Variants in ZNF385D observed in about 807,000 individuals in gnomAD.
ZNF385D encodes zinc finger protein 385D, also known as zinc finger protein 659.
In ZNF385D, 15 loss-of-function variants were observed where a neutral mutation model predicts 35.8. The observed-to-expected ratio is 0.42, with a 90% CI of 0.28 to 0.64. The LOEUF is 0.64. ZNF385D is among the 30% of genes least tolerant of loss of function. ZNF385D has a pLI of 0.23. For missense variants in ZNF385D, 474 were observed against 494.6 expected (o/e 0.96, Z 0.39); for synonymous variants, 212 against 186.8 (o/e 1.13, Z -1.10).
intron 3 of ZNF385D, among the ~76,000 whole-genome samples, chr3:22,164,392 C>T (rs1208210370): frequency 6.6e-6 from 1 of 151,640 alleles, no homozygotes; most frequent in Non-Finnish European, 1.5e-5. Context: ...CCACGTCTAG[C>T]TAATTTTTGT....
chr3:21,917,884 G>C (rs767840427), intron 3 of ZNF385D, among the ~76,000 whole-genome samples: 1 of 152,152 alleles, frequency 6.6e-6, no homozygotes, highest in Non-Finnish European at 1.5e-5. Flanking sequence ...CAGTCATTAA[G>C]CAAAATATAT....
At chr3:22,132,628 T>C (rs1047818373) in intron 3 of ZNF385D, among the ~76,000 whole-genome samples, 1 of 152,054 alleles carries the variant, frequency 6.6e-6, no homozygotes, top group Non-Finnish European at 1.5e-5. Context: ...CTGAAAAAAA[T>C]TCCTCTAGAT....
chr3:21,834,996 T>C (rs1409047085), intron 3 of ZNF385D, among the ~76,000 whole-genome samples: 1 of 152,148 alleles, frequency 6.6e-6, no homozygotes, highest in Non-Finnish European at 1.5e-5. Flanking sequence ...TAGTTCTTTA[T>C]AACAGTGTGG....
At chr3:22,155,905 A>AATACACAT (rs1705552735) in intron 3 of ZNF385D, among the ~76,000 whole-genome samples, 1 of 152,120 alleles carries the variant, frequency 6.6e-6, no homozygotes, top group African/African-American at 2.4e-5. Flanking sequence ...AGGAAAGTTA[A>AATACACAT]GAGTATTCAA....
rs115933233 is a variant in ZNF385D, at chr3:22,099,826, A to C, written c.325+68991T>G. 6.6e-3 allele frequency among the ~76,000 whole-genome samples: 997 copies of C among 152,160 alleles called. 16 individuals carry two copies. Among genetic ancestry groups the C allele is most frequent in the African/African-American group, 0.023 (941 of 41,528 alleles). On this transcript the variant is annotated intron_variant, in intron 3 of 5. Coordinates refer to the ZNF385D transcript ENST00000494108. ...TTCACACTAGCAGGGAGTGGGGGCT[A>C]CTACTGTAAGAATGAACAGATTGGA...
At position 21,723,846 on chromosome 3, in the gene ZNF385D, G is replaced by T. The variant is rs144229653; in HGVS notation, c.22+27049C>A. ...GAAGAGCAACCCCAAGACACATAAT[G>T]GTCAGATTTACCATGGTGGAAATGA... On this transcript the variant is annotated intron_variant, in intron 1 of 7. Transcript: ENST00000281523. Among the ~76,000 whole-genome samples the T allele has an allele frequency of 1.2e-3, 176 of 152,088 alleles. 8 individuals carry two copies. The East Asian group carries it at 0.016, about 14-fold the overall frequency.
At chr3:21,497,842 C>T (rs1277979989) in intron 4 of ZNF385D, among the ~76,000 whole-genome samples, 1 of 152,050 alleles carries the variant, frequency 6.6e-6, no homozygotes, top group Non-Finnish European at 1.5e-5. Flanking sequence ...GAGTGAGACG[C>T]TGTCTCAAAA....
chr3:21,976,992 AAAT>A (rs74758944), intron 3 of ZNF385D, among the ~76,000 whole-genome samples: 1 of 151,804 alleles, frequency 6.6e-6, no homozygotes, highest in African/African-American at 2.4e-5. Context: ...CATCTCAGGA[AAAT>A]AATAATAATA....
chr3:22,239,251 T>C (rs903633982), intron 2 of ZNF385D, among the ~76,000 whole-genome samples: 10 of 151,096 alleles, frequency 6.6e-5, no homozygotes, highest in Non-Finnish European at 1.0e-4. Context: ...AATTGGAACA[T>C]AGCCACAATC....
intron 2 of ZNF385D, among the ~76,000 whole-genome samples, chr3:21,640,794 AG>A (rs932701514): frequency 6.6e-6 from 1 of 152,160 alleles, no homozygotes; most frequent in African/African-American, 2.4e-5. Flanking sequence ...TAATTTTTCT[AG>A]GCACTGAGAA....
intron 3 of ZNF385D, among the ~76,000 whole-genome samples, chr3:22,020,188 T>C (rs936690686): frequency 1.3e-5 from 2 of 151,846 alleles, no homozygotes; most frequent in Admixed American, 6.6e-5. Context: ...TGACAAGGAA[T>C]TCTTAAAGTG....
At chr3:21,876,955 T>C (rs1245583718) in intron 3 of ZNF385D, among the ~76,000 whole-genome samples, 1 of 152,108 alleles carries the variant, frequency 6.6e-6, no homozygotes, top group African/African-American at 2.4e-5. Flanking sequence ...TTCCACACTT[T>C]TCCCATTCCA....
chr3:21,571,256 G>C (rs556228319), intron 2 of ZNF385D, among the ~76,000 whole-genome samples: 1 of 151,950 alleles, frequency 6.6e-6, no homozygotes, highest in African/African-American at 2.4e-5. Flanking sequence ...TTTGTGTCTG[G>C]CTTCTTTCAT....
At chr3:22,162,294 C>A (rs1200738005) in intron 3 of ZNF385D, among the ~76,000 whole-genome samples, 1 of 152,124 alleles carries the variant, frequency 6.6e-6, no homozygotes, top group Non-Finnish European at 1.5e-5. Flanking sequence ...GGGCTACAGA[C>A]TACAGGAACA....
intron 3 of ZNF385D, among the ~76,000 whole-genome samples, chr3:21,939,555 G>A (rs1390214003): frequency 1.3e-5 from 2 of 152,058 alleles, no homozygotes; most frequent in African/African-American, 4.8e-5. Flanking sequence ...ATTCAATCAA[G>A]CCCTGTTGAG....
chr3:21,589,317 A>G (rs1305272506), intron 2 of ZNF385D, among the ~76,000 whole-genome samples: 1 of 152,222 alleles, frequency 6.6e-6, no homozygotes, highest in Non-Finnish European at 1.5e-5. Context: ...TGAGGAAGAT[A>G]TGTCATTGTC....
chr3:21,476,729 G>A (rs1219176234), intron 4 of ZNF385D, among the ~76,000 whole-genome samples: 1 of 151,968 alleles, frequency 6.6e-6, no homozygotes, highest in Non-Finnish European at 1.5e-5. Context: ...TTCTATTGAA[G>A]AAGATATTTC....
Position 21,412,901 on chromosome 3 carries a change from G to C in ZNF385D, c.*8313C>G, listed in dbSNP as rs1382758291. 6.6e-6 allele frequency: 1 copy of C among 151,970 alleles called. No individual in the cohort carries two copies. Among genetic ancestry groups the C allele is most frequent in the Non-Finnish European group, 1.5e-5 (1 of 67,970 alleles). The allele number at this position is 151,970 out of a possible 1,614,324, so 9.4% of individuals were successfully genotyped here. The stretch of plus-strand genomic sequence containing the variant: ...TCATTTTATAGTGGGGGAAATTATT[G>C]GCATATGGGGGATTTTATCACATAT... On this transcript the variant is annotated 3_prime_UTR_variant, in exon 8 of 8. Transcript: ENST00000281523.
chr3:22,341,768 T>C (rs1253179495), intron 2 of ZNF385D, among the ~76,000 whole-genome samples: 1 of 152,206 alleles, frequency 6.6e-6, no homozygotes, highest in Non-Finnish European at 1.5e-5. Flanking sequence ...ATTATAACTC[T>C]GAGCTCTTCT....
Sources: allele counts gnomAD v4.1 joint callset (sites outside exome capture counted in the v4.1 genomes callset), GRCh38; gene constraint gnomAD v4.1.1; transcripts MANE v1.5; gene names NCBI Gene and HGNC (gene_info 2026-07-23, HGNC 2026-07-21).